The following ZNF287 variants were observed in gnomAD, a reference collection of about 807,000 sequenced individuals.
ZNF287 encodes zinc finger protein 287, also known as zinc finger protein with KRAB and SCAN domains 13.
A neutral mutation model predicts 73.7 loss-of-function variants in ZNF287; 31 were observed. That is an observed-to-expected ratio of 0.42 (90% CI 0.32 to 0.57). ZNF287 has a LOEUF of 0.57. ZNF287 is among the 20% of genes least tolerant of loss of function. ZNF287 has a pLI of 0.13. For synonymous variants in ZNF287, 301 were observed against 307.2 expected, an observed-to-expected ratio of 0.98 and a Z score of 0.21; for missense variants, 641 against 909.3, an observed-to-expected ratio of 0.70 and a Z score of 3.79.
At chr17:16,560,421 C>T (rs74775367) in intron 5 of ZNF287, among the ~76,000 whole-genome samples, 10 of 150,850 alleles carry the variant, frequency 6.6e-5, no homozygotes, top group Non-Finnish European at 1.2e-4. Context: ...ACAATCTTGG[C>T]TCACTGCAAC....
chr17:16,560,871 C>T (rs1427277793), intron 5 of ZNF287, among the ~76,000 whole-genome samples: 1 of 150,426 alleles, frequency 6.6e-6, no homozygotes, highest in Non-Finnish European at 1.5e-5. Context: ...GGTGTAGTGG[C>T]GGGTGCCTGT....
In ZNF287 at chr17:16,548,640, A is replaced by G. The variant is rs760696365; in HGVS notation, c.*3216T>C. ...GTGAAACCCCATCTCTACTAAAAAA[A>G]TACAAAGAAATTAGCCGGGCGTGGT... On this transcript the variant is annotated 3_prime_UTR_variant, in exon 6 of 6. Coordinates refer to ENST00000395825, the MANE Select transcript of ZNF287 (RefSeq NM_020653.4). Among the ~76,000 whole-genome samples the G allele has an allele frequency of 1.3e-4, 20 of 152,156 alleles. No individual in the cohort carries two copies. The highest frequency in any genetic ancestry group is 2.5e-4 in the Non-Finnish European group (17 of 68,018).
intron 2 of ZNF287, 151 bp from the exon 3 acceptor site, chr17:16,566,773 G>GC (rs1907769108): frequency 1.9e-6 from 1 of 533,684 alleles, no homozygotes; most frequent in Non-Finnish European, 3.3e-6. Context: ...AGAGGAAAGG[G>GC]CCAATGACTT....
At chr17:16,556,873 G>A (rs956991695) in intron 5 of ZNF287, among the ~76,000 whole-genome samples, 1 of 151,356 alleles carries the variant, frequency 6.6e-6, no homozygotes, top group African/African-American at 2.4e-5. Context: ...TTGAGATGGA[G>A]TTTCGCTTTT....
intron 5 of ZNF287, among the ~76,000 whole-genome samples, chr17:16,560,371 G>A (rs1425534251): frequency 1.5e-4 from 19 of 128,216 alleles, no homozygotes; most frequent in African/African-American, 4.9e-4. Flanking sequence ...TTTTTTTGAG[G>A]TGGAGTCTAG....
In ZNF287 at chr17:16,553,247, C is replaced by T. The variant is rs766882022; in HGVS notation, c.895G>A (p.Val299Ile). Residue 299 changes from valine to isoleucine, a missense_variant, in exon 6 of 6, where the codon GTC (valine) becomes ATC (isoleucine). By Grantham distance (29) the Val-to-Ile change is conservative (BLOSUM62 3). Coordinates refer to ENST00000395825, the MANE Select transcript of ZNF287 (RefSeq NM_020653.4). The stretch of plus-strand genomic sequence containing the variant: ...GTAGGATCATATTCTTGTGAAAGGA[C>T]TGACTTCAAACTGAAACCTCTTTCA... ...TDERGFSLKS[V>I]LSQEYDPTEE... 2 of 1,612,948 alleles carry T rather than the reference C, an allele frequency of 1.2e-6. No homozygotes were observed. Among genetic ancestry groups the T allele is most frequent in the South Asian group, 1.1e-5 (1 of 91,016 alleles).
intron 3 of ZNF287, among the ~76,000 whole-genome samples, chr17:16,565,611 C>T (rs1470548100): frequency 6.6e-6 from 1 of 152,088 alleles, no homozygotes; most frequent in Admixed American, 6.6e-5. Context: ...TTACCAAAAG[C>T]TTTCCAATTT....
At position 16,548,435 on chromosome 17, in the gene ZNF287, C is replaced by G. The variant is rs769568649; in HGVS notation, c.*3421G>C. Among the ~76,000 whole-genome samples the G allele has an allele frequency of 3.2e-4, 48 of 152,202 alleles. No individual in the cohort carries two copies. Among genetic ancestry groups the G allele is most frequent in the Non-Finnish European group, 6.5e-4 (44 of 68,018 alleles). ...AAACTACAGGGGGTACCGGAACAACCCACATGTAAATAATCAGTTGAATCC... is the reference window on the plus strand; with the variant it reads ...AAACTACAGGGGGTACCGGAACAACGCACATGTAAATAATCAGTTGAATCC... On this transcript the variant is annotated 3_prime_UTR_variant, in exon 6 of 6. Transcript: ENST00000395825.
chr17:16,552,747 T>G lies in ZNF287; in HGVS notation c.1395A>C (p.Ala465=). The part of the protein sequence containing the change: ...DDCGKDFSQR[A]HLTIHQRTHT... ...GTGTCCTTTGATGGATGGTAAGGTG[T>G]GCACGCTGACTGAAGTCTTTCCCAC... Residue 465 remains alanine, a synonymous_variant, in exon 6 of 6, where the codon GCA becomes GCC. Transcript: ENST00000395825. The surrounding 1 kb of genome is among the most constrained non-coding windows in gnomAD (Gnocchi z 6.5). The G allele has an allele frequency of 3.1e-6, 5 of 1,614,132 alleles. No individual in the cohort carries two copies. Among genetic ancestry groups the G allele is most frequent in the Non-Finnish European group, 3.4e-6 (4 of 1,180,004 alleles).
At chr17:16,553,651 G>A (rs993383366) in intron 5 of ZNF287, among the ~76,000 whole-genome samples, 1 of 152,158 alleles carries the variant, frequency 6.6e-6, no homozygotes, top group African/African-American at 2.4e-5. Flanking sequence ...GACACAGAGG[G>A]AATAAAACAG....
rs779443765 is a variant in ZNF287 at position 16,552,777 on chromosome 17, A to G, written c.1365T>C (p.Asp455=). The part of the protein sequence containing the change: ...IHTGEKPYKC[D]DCGKDFSQRA... The stretch of plus-strand genomic sequence containing the variant: ...GCTGACTGAAGTCTTTCCCACAGTC[A>G]TCACACTTATAGGGTTTCTCTCCAG... Residue 455 remains aspartate, a synonymous_variant, in exon 6 of 6, where the codon GAT becomes GAC. Coordinates refer to ENST00000395825, the MANE Select transcript of ZNF287 (RefSeq NM_020653.4). This position sits in a 1 kb window ranked among gnomAD's most constrained non-coding sequence, Gnocchi z 6.5. 1 of 1,614,014 alleles carries G rather than the reference A, an allele frequency of 6.2e-7. No individual in the cohort carries two copies. The highest frequency in any genetic ancestry group is 8.5e-7 in the Non-Finnish European group (1 of 1,179,982).
intron 2 of ZNF287, among the ~76,000 whole-genome samples, 158 bp from the exon 3 acceptor site, chr17:16,566,780 A>G (rs557567794): frequency 6.6e-6 from 1 of 152,356 alleles, no homozygotes; most frequent in East Asian, 1.9e-4. Context: ...AGGGCCAATG[A>G]CTTGTCCTAA....
rs1597458791 is a variant in ZNF287 at position 16,547,175 on chromosome 17, A to T, written c.*4681T>A. ...AAGAAAAACTAGTACTTAGATTTGC[A>T]TGAAACAGATCCTTAGGATTAATAT... On this transcript the variant is annotated 3_prime_UTR_variant, in exon 6 of 6. Transcript: ENST00000395825. Among the ~76,000 whole-genome samples, 1 of 152,262 alleles carries T rather than the reference A, an allele frequency of 6.6e-6. No individual in the cohort carries two copies. Among genetic ancestry groups the T allele is most frequent in the South Asian group, 2.1e-4 (1 of 4,834 alleles).
rs976616471 is a variant in ZNF287 at position 16,548,593 on chromosome 17, C to T, written c.*3263G>A. 1.3e-5 allele frequency among the ~76,000 whole-genome samples: 2 copies of T among 151,942 alleles called. No homozygotes were observed. Among genetic ancestry groups the T allele is most frequent in the African/African-American group, 4.8e-5 (2 of 41,360 alleles). On this transcript the variant is annotated 3_prime_UTR_variant, in exon 6 of 6. Coordinates refer to ENST00000395825, the MANE Select transcript of ZNF287 (RefSeq NM_020653.4). ...CGGGTGGATCACGAGGTCAGGATAT[C>T]GAGACAAGCCTGGCTAACACAGTGA...
At chr17:16,555,729 G>C (rs1011929501) in intron 5 of ZNF287, among the ~76,000 whole-genome samples, 1 of 151,882 alleles carries the variant, frequency 6.6e-6, no homozygotes, top group Non-Finnish European at 1.5e-5. Flanking sequence ...CTATTATTAC[G>C]TTTCTCGTAT....
chr17:16,556,192 A>ACACACACACACACAC, intron 5 of ZNF287, among the ~76,000 whole-genome samples: 3 of 152,102 alleles, frequency 2.0e-5, no homozygotes, highest in African/African-American at 7.2e-5. Flanking sequence ...ACACACACAC[A>ACACACACACACACAC]AAATCTAAGG....
chr17:16,563,863 T>G, intron 3 of ZNF287, 38 bp from the exon 4 acceptor site: 2 of 1,604,318 alleles, frequency 1.2e-6, no homozygotes, highest in South Asian at 1.1e-5. Context: ...GTTCAAGAAC[T>G]AATGGCAAAG....
chr17:16,560,980 G>A (rs1463173798), intron 5 of ZNF287, among the ~76,000 whole-genome samples: 1 of 149,662 alleles, frequency 6.7e-6, no homozygotes, highest in Non-Finnish European at 1.5e-5. Flanking sequence ...TCCAACCTGA[G>A]CAACAGACCG....
chr17:16,567,811 A>G lies in ZNF287; in HGVS notation c.-80T>C, dbSNP rs966019038. ...CCAACTGCTTGAAGTCTCATGCTAGAGTCACAAGGACACTATATCAAAGGC... is the reference window on the plus strand; with the variant it reads ...CCAACTGCTTGAAGTCTCATGCTAGGGTCACAAGGACACTATATCAAAGGC... On this transcript the variant is annotated 5_prime_UTR_variant, in exon 2 of 6. Coordinates refer to ENST00000395825, the MANE Select transcript of ZNF287 (RefSeq NM_020653.4). 3 of 1,519,806 alleles carry G rather than the reference A, an allele frequency of 2.0e-6. No homozygotes were observed. The highest frequency in any genetic ancestry group is 2.6e-6 in the Non-Finnish European group (3 of 1,141,274). 94.1% of individuals were successfully genotyped at this position (1,519,806 alleles called of 1,614,324 possible).
Sources: gnomAD v4.1 joint callset for allele counts (sites outside exome capture counted in the v4.1 genomes callset) on GRCh38, gnomAD v4.1.1 for gene constraint, Gnocchi (gnomAD v3.1) non-coding constraint, MANE v1.5 for transcripts, NCBI Gene and HGNC (gene_info 2026-07-23, HGNC 2026-07-21) for gene names.